Variants in DNM3 observed in about 807,000 individuals in gnomAD.
The protein encoded by DNM3 is dynamin 3.
A neutral mutation model predicts 101.6 loss-of-function variants in DNM3; 47 were observed. The ratio of observed to expected loss-of-function variants is 0.46; its 90% CI spans 0.37 to 0.59. The LOEUF is 0.59. DNM3 is among the 20% of genes least tolerant of loss of function. DNM3 has a pLI of 0.00. For synonymous variants in DNM3, 385 were observed against 387.9 expected (o/e 0.99, Z 0.09); for missense variants, 849 against 1,085.7 (o/e 0.78, Z 3.06).
At chr1:172,252,738 G>T (rs1233023784) in intron 14 of DNM3, among the ~76,000 whole-genome samples, 1 of 152,070 alleles carries the variant, frequency 6.6e-6, no homozygotes, top group Non-Finnish European at 1.5e-5. Context: ...AAATAATATT[G>T]CCCGTGGGCC....
chr1:172,104,866 G>A (rs1313278229), intron 13 of DNM3, among the ~76,000 whole-genome samples: 1 of 152,208 alleles, frequency 6.6e-6, no homozygotes, highest in Non-Finnish European at 1.5e-5. Context: ...ACAGAGCAGA[G>A]TATAGAGGCT....
intron 14 of DNM3, among the ~76,000 whole-genome samples, chr1:172,168,701 G>A (rs2058841398): frequency 6.6e-6 from 1 of 151,910 alleles, no homozygotes; most frequent in Non-Finnish European, 1.5e-5. Flanking sequence ...TATACAGGAA[G>A]CCCAAATGCA....
At chr1:172,316,655 A>G (rs1352203517) in intron 16 of DNM3, among the ~76,000 whole-genome samples, 3 of 152,130 alleles carry the variant, frequency 2.0e-5, no homozygotes, top group Non-Finnish European at 4.4e-5. Flanking sequence ...CTATTACATA[A>G]TGGTAAATGG....
rs370907176 is a variant in DNM3, at chr1:172,392,741, GT to G, written c.2522+3933del. On this transcript the variant is annotated intron_variant, in intron 20 of 20. Transcript: ENST00000627582. ...AAAGGGGATAAGGGTGGGAGGAAGGGTCTCCAACCAAGCAAGAAGAAACTTT... is the reference window on the plus strand; with the variant it reads ...AAAGGGGATAAGGGTGGGAGGAAGGGCTCCAACCAAGCAAGAAGAAACTTT... Among the ~76,000 whole-genome samples, 85 of 152,230 alleles carry G rather than the reference GT, an allele frequency of 5.6e-4. 1 individual carries two copies. In the East Asian group the frequency reaches 0.016, roughly 28 times the overall value.
chr1:172,269,458 G>GA (rs953392000), intron 15 of DNM3, among the ~76,000 whole-genome samples: 2 of 152,104 alleles, frequency 1.3e-5, no homozygotes, highest in African/African-American at 2.4e-5. Context: ...ACATGCTACA[G>GA]AAAAAATATG....
At chr1:172,171,811 T>C (rs561000802) in intron 14 of DNM3, among the ~76,000 whole-genome samples, 38 of 151,858 alleles carry the variant, frequency 2.5e-4, no homozygotes, top group African/African-American at 8.7e-4. Context: ...ACTCACAAGA[T>C]AGATAGAAGT....
intron 2 of DNM3, among the ~76,000 whole-genome samples, chr1:171,929,622 A>G (rs1054887098): frequency 2.6e-5 from 4 of 151,308 alleles, no homozygotes; most frequent in African/African-American, 9.7e-5. Flanking sequence ...ACCCCTAGTC[A>G]GCTTGGATTC....
intron 14 of DNM3, among the ~76,000 whole-genome samples, chr1:172,205,558 G>GA (rs1474520867): frequency 3.3e-5 from 5 of 151,970 alleles, no homozygotes; most frequent in African/African-American, 4.8e-5. Context: ...ACATTTTTGT[G>GA]AAAAAAATCT....
chr1:171,980,411 A>G (rs2044701543), intron 2 of DNM3, among the ~76,000 whole-genome samples: 1 of 152,176 alleles, frequency 6.6e-6, no homozygotes, highest in Non-Finnish European at 1.5e-5. Flanking sequence ...TAGGGTAGTC[A>G]GCATATCCAT....
Position 172,222,022 on chromosome 1 carries a change from T to C in DNM3, c.1660-31551T>C, listed in dbSNP as rs563115456. Among the ~76,000 whole-genome samples, 48 of 152,252 alleles carry C rather than the reference T, an allele frequency of 3.2e-4. 1 individual carries two copies. Among genetic ancestry groups the C allele is most frequent in the African/African-American group, 1.1e-3 (44 of 41,578 alleles). ...AGGAATTCTAGACTCATTGCGAGTA[T>C]ATTATTTCAATGGGAATAGATAAGG... is the stretch of plus-strand genomic sequence containing the variant. On this transcript the variant is annotated intron_variant, in intron 14 of 20. Coordinates refer to ENST00000627582, the MANE Select transcript of DNM3 (RefSeq NM_015569.5).
intron 15 of DNM3, 42 bp downstream of exon 15, chr1:172,253,724 T>G (rs768750446): frequency 2.2e-6 from 3 of 1,379,184 alleles, no homozygotes; most frequent in Non-Finnish European, 3.0e-6. Context: ...TTTTTTTCCT[T>G]GAAGTTCTAC....
chr1:172,132,068 G>A (rs1269721426), intron 14 of DNM3, among the ~76,000 whole-genome samples: 5 of 152,054 alleles, frequency 3.3e-5, no homozygotes, highest in African/African-American at 1.2e-4. Flanking sequence ...TAATCTTTTG[G>A]TACTTATAAT....
intron 14 of DNM3, among the ~76,000 whole-genome samples, chr1:172,200,432 GA>G (rs796618941): frequency 1.2e-4 from 19 of 152,222 alleles, no homozygotes; most frequent in African/African-American, 4.6e-4. Flanking sequence ...TGTATTTCCT[GA>G]ATTTGACTGT....
intron 2 of DNM3, among the ~76,000 whole-genome samples, chr1:171,985,720 C>T (rs1423625951): frequency 6.6e-6 from 1 of 152,194 alleles, no homozygotes; most frequent in Non-Finnish European, 1.5e-5. Flanking sequence ...ATCCAAAAAG[C>T]TAGGTCATTT....
intron 19 of DNM3, among the ~76,000 whole-genome samples, chr1:172,387,923 G>A (rs1040684010): frequency 4.6e-5 from 7 of 151,730 alleles, no homozygotes; most frequent in South Asian, 2.1e-4. Context: ...TCCAGTTAAC[G>A]GGAAGCTTTA....
intron 15 of DNM3, among the ~76,000 whole-genome samples, chr1:172,293,981 A>G (rs1028476499): frequency 1.3e-5 from 2 of 152,132 alleles, no homozygotes; most frequent in African/African-American, 2.4e-5. Context: ...CTCCCATGAC[A>G]TTTGTCCAGT....
At chr1:172,324,641 T>C (rs1377759723) in intron 17 of DNM3, among the ~76,000 whole-genome samples, 6 of 152,184 alleles carry the variant, frequency 3.9e-5, no homozygotes, top group Admixed American at 3.9e-4. Flanking sequence ...TAATGGCTAA[T>C]ATTTATAACT....
chr1:172,026,390 A>T (rs1211657901), intron 4 of DNM3, among the ~76,000 whole-genome samples: 1 of 152,172 alleles, frequency 6.6e-6, no homozygotes, highest in Non-Finnish European at 1.5e-5. Context: ...TTTTCAGGAT[A>T]TTATCCAGGA....
At chr1:172,007,404 G>A (rs1170292678) in intron 4 of DNM3, among the ~76,000 whole-genome samples, 2 of 152,100 alleles carry the variant, frequency 1.3e-5, no homozygotes, top group Non-Finnish European at 2.9e-5. Context: ...CTGAGCATCA[G>A]TTCACGTCCT....
Sources: gnomAD v4.1 joint callset for allele counts (sites outside exome capture counted in the v4.1 genomes callset) on GRCh38, gnomAD v4.1.1 for gene constraint, MANE v1.5 for transcripts, NCBI Gene and HGNC (gene_info 2026-07-23, HGNC 2026-07-21) for gene names.